TBR1: variants seen among roughly 807,000 people sequenced by gnomAD.
The protein encoded by TBR1 is T-box brain protein 1.
A neutral mutation model predicts 60.3 loss-of-function variants in TBR1; 7 were observed. That is an observed-to-expected ratio of 0.12 (90% CI 0.07 to 0.22). TBR1 has a LOEUF of 0.22. Among genes scored for constraint, TBR1 ranks in the 10% least tolerant of loss-of-function variants. TBR1 has a pLI of 1.00. For synonymous variants in TBR1, 417 were observed against 409.9 expected, an observed-to-expected ratio of 1.02 and a Z score of -0.21; for missense variants, 616 against 936.8, an observed-to-expected ratio of 0.66 and a Z score of 4.47.
Position 161,425,022 on chromosome 2 carries a change from C to G in TBR1, c.*795C>G, listed in dbSNP as rs1260026030. The G allele has an allele frequency of 6.6e-6, 1 of 152,296 alleles. No individual in the cohort carries two copies. The highest frequency in any genetic ancestry group is 1.5e-5 in the Non-Finnish European group (1 of 68,058). 9.4% of individuals were successfully genotyped at this position (152,296 alleles called of 1,614,324 possible). A position where few individuals can be genotyped will look rare whatever the true frequency, so the allele number is the denominator to read the frequency against. On this transcript the variant is annotated 3_prime_UTR_variant, in exon 6 of 6. Transcript: ENST00000389554. ...AATAATTACTATGTGCCCTAATGCACACAAATAGCTAAGGAGAATCCACCC... is the reference window on the plus strand; with the variant it reads ...AATAATTACTATGTGCCCTAATGCAGACAAATAGCTAAGGAGAATCCACCC...
Position 161,423,531 on chromosome 2 carries a change from G to C in TBR1, c.1353G>C (p.Ala451=), listed in dbSNP as rs759895872. 4.2e-5 allele frequency: 67 copies of C among 1,578,040 alleles called. No homozygotes were observed. The highest frequency in any genetic ancestry group is 3.8e-4 in the South Asian group (33 of 86,934). Reference sequence around the variant, plus strand: ...CCCGCTTCCACCCGGGCGCGGGCGCGGGCCCCGGGCCGGGTACGGACCGCA... The same window carrying C: ...CCCGCTTCCACCCGGGCGCGGGCGCCGGCCCCGGGCCGGGTACGGACCGCA... ...AKARFHPGAG[A]GPGPGTDRSV... The change falls in exon 6 of 6, where the codon GCG becomes GCC. Residue 451 remains alanine, a synonymous_variant. Coordinates refer to ENST00000389554, the MANE Select transcript of TBR1 (RefSeq NM_006593.4).
Position 161,417,982 on chromosome 2 carries a change from C to G in TBR1, c.847+152C>G. 3.4e-6 allele frequency: 5 copies of G among 1,450,554 alleles called. No individual in the cohort carries two copies. The highest frequency in any genetic ancestry group is 4.5e-6 in the Non-Finnish European group (5 of 1,101,610). The allele number at this position is 1,450,554 out of a possible 1,614,324, so 89.9% of individuals were successfully genotyped here. A position where few individuals can be genotyped will look rare whatever the true frequency, so the allele number is the denominator to read the frequency against. ...GGGGACAGGGGGACAGACTGAGCTGCGAGAAGGGGGAGGATTATGCAAAAG... is the reference window on the plus strand; with the variant it reads ...GGGGACAGGGGGACAGACTGAGCTGGGAGAAGGGGGAGGATTATGCAAAAG... On this transcript the variant is annotated intron_variant, in intron 2 of 5. Transcript: ENST00000389554. The surrounding 1 kb of genome is among the most constrained non-coding windows in gnomAD (Gnocchi z 5.3).
chr2:161,424,239 C>G lies in TBR1; in HGVS notation c.*12C>G. 1 of 1,531,762 alleles carries G rather than the reference C, an allele frequency of 6.5e-7. No individual in the cohort carries two copies. Among genetic ancestry groups the G allele is most frequent in the Non-Finnish European group, 8.8e-7 (1 of 1,132,500 alleles). 94.9% of individuals were successfully genotyped at this position (1,531,762 alleles called of 1,614,324 possible). On this transcript the variant is annotated 3_prime_UTR_variant, in exon 6 of 6. Coordinates refer to ENST00000389554, the MANE Select transcript of TBR1 (RefSeq NM_006593.4). The surrounding 1 kb of genome is among the most constrained non-coding windows in gnomAD (Gnocchi z 4.4). ...ACTCGCACAGCTAGGCCGCCCCTGCCCGCCCGGCCCCGCCGCGGCCCGGAC... is the reference window on the plus strand; with the variant it reads ...ACTCGCACAGCTAGGCCGCCCCTGCGCGCCCGGCCCCGCCGCGGCCCGGAC...
chr2:161,418,112 G>GTGTGTGTA lies in TBR1; in HGVS notation c.848-82_848-81insATGTGTGT, dbSNP rs1308595808. On this transcript the variant is annotated intron_variant, in intron 2 of 5. Transcript: ENST00000389554. ...GGTGTGTGTATGTGTGTGTGTGTGT[G>GTGTGTGTA]TGTGTGTGTGTGTGTGTGTCCTACG... is the stretch of plus-strand genomic sequence containing the variant. 3 of 1,524,122 alleles carry GTGTGTGTA rather than the reference G, an allele frequency of 2.0e-6. No homozygotes were observed. In the East Asian group the frequency reaches 6.9e-5, roughly 35 times the overall value. The allele number at this position is 1,524,122 out of a possible 1,614,324, so 94.4% of individuals were successfully genotyped here.
In TBR1 at chr2:161,423,565, C is replaced by T. The variant is rs1684270633; in HGVS notation, c.1387C>T (p.His463Tyr). 6.4e-7 allele frequency: 1 copy of T among 1,555,566 alleles called. No homozygotes were observed. The highest frequency in any genetic ancestry group is 1.9e-5 in the Admixed American group (1 of 52,802). Residue 463 changes from histidine (H) to tyrosine (Y), a missense_variant, in exon 6 of 6, where the codon CAC (histidine) becomes TAC (tyrosine). His to Tyr is a moderately conservative substitution (Grantham distance 83). Coordinates refer to ENST00000389554, the MANE Select transcript of TBR1 (RefSeq NM_006593.4). ...PGPGTDRSVP[H>Y]TNGLLSPQQA... is the part of the protein sequence containing the mutation. ...GCCGGGTACGGACCGCAGCGTGCCG[C>T]ACACCAACGGGCTGCTGTCGCCGCA... is the stretch of plus-strand genomic sequence containing the variant.
chr2:161,418,720 T>C, intron 3 of TBR1, 172 bp from the exon 4 acceptor site: 1 of 897,590 alleles, frequency 1.1e-6, no homozygotes. Flanking sequence ...CGAAAGCCGG[T>C]CTGCCCCAGC....
At chr2:161,421,780 T>G (rs1401300945) in intron 5 of TBR1, 3 of 152,192 alleles carry the variant, frequency 2.0e-5, no homozygotes, top group African/African-American at 7.2e-5. Context: ...TGGAATTCAA[T>G]TTCAGAAGGG....
chr2:161,418,153 A>G, intron 2 of TBR1, 48 bp from the exon 3 acceptor site: 1 of 1,574,206 alleles, frequency 6.4e-7, no homozygotes, highest in African/African-American at 1.4e-5. Flanking sequence ...AGGAGCTGGG[A>G]CTGGGCAGTG....
At chr2:161,419,956 A>G in intron 4 of TBR1, 1 of 299,908 alleles carries the variant, frequency 3.3e-6, no homozygotes, top group Non-Finnish European at 6.2e-6. Context: ...CAGGAGAGCT[A>G]ATTGAAAGCA....
chr2:161,422,035 T>C (rs1439623959), intron 5 of TBR1: 1 of 151,980 alleles, frequency 6.6e-6, no homozygotes, highest in Non-Finnish European at 1.5e-5. Context: ...CCCTTTTACG[T>C]TGGTTACTTG....
Position 161,423,344 on chromosome 2 carries a change from C to T in TBR1, c.1191-25C>T, listed in dbSNP as rs1457578028. ...GACCTCCGCGCCACCCCTCGGCTCT[C>T]TCTCTCTCTCTCCCTACCCCGCAGG... On this transcript the variant is annotated intron_variant, in intron 5 of 5. Transcript: ENST00000389554. 8 of 1,320,116 alleles carry T rather than the reference C, an allele frequency of 6.1e-6. No homozygotes were observed. In the African/African-American group the frequency reaches 1.4e-4, roughly 23 times the overall value. 81.8% of individuals were successfully genotyped at this position (1,320,116 alleles called of 1,614,324 possible).
Position 161,416,802 on chromosome 2 carries a change from G to A in TBR1, c.392G>A (p.Gly131Glu). 6.2e-7 allele frequency: 1 copy of A among 1,614,140 alleles called. No individual in the cohort carries two copies. The highest frequency in any genetic ancestry group is 8.5e-7 in the Non-Finnish European group (1 of 1,180,044). The change falls in exon 1 of 6, where the codon GGA becomes GAA. Residue 131 changes from glycine (G) to glutamate (E), a missense_variant. Around this residue, in one of 8 missense-constraint regions of TBR1, gnomAD observed 211 missense variants for 268.7 expected, o/e 0.79. Transcript: ENST00000389554. The surrounding 1 kb of genome is among the most constrained non-coding windows in gnomAD (Gnocchi z 6.1). Reference sequence around the variant, plus strand: ...ATGTTCCCGTACCCCGGCCAGCACGGACCGGCGCACCCCGCCTTCTCCATC... The same window carrying A: ...ATGTTCCCGTACCCCGGCCAGCACGAACCGGCGCACCCCGCCTTCTCCATC... The part of the protein sequence containing the change: ...SAMFPYPGQH[G>E]PAHPAFSIGS...
rs761374834 is a variant in TBR1 at position 161,416,472 on chromosome 2, G to A, written c.62G>A (p.Ser21Asn). The A allele has an allele frequency of 6.2e-7, 1 of 1,613,570 alleles. No individual in the cohort carries two copies. Among genetic ancestry groups the A allele is most frequent in the South Asian group, 1.1e-5 (1 of 91,008 alleles). The change falls in exon 1 of 6, where the codon AGC becomes AAC. Residue 21 changes from serine to asparagine, a missense_variant. Around this residue, in one of 8 missense-constraint regions of TBR1, gnomAD observed 211 missense variants for 268.7 expected, o/e 0.79. Coordinates refer to ENST00000389554, the MANE Select transcript of TBR1 (RefSeq NM_006593.4). The surrounding 1 kb of genome is among the most constrained non-coding windows in gnomAD (Gnocchi z 6.1). ...CTCTCCAAGAAATTTCTCAATGTGA[G>A]CAGCAGCTACCCACATTCAGGCGGA... ...IMLSKKFLNVSSSYPHSGGSE... is the reference protein window; with the variant it reads ...IMLSKKFLNVNSSYPHSGGSE...
chr2:161,417,914 G>A lies in TBR1; in HGVS notation c.847+84G>A, dbSNP rs1684157321. On this transcript the variant is annotated intron_variant, in intron 2 of 5. Transcript: ENST00000389554. This position sits in a 1 kb window ranked among gnomAD's most constrained non-coding sequence, Gnocchi z 5.3. ...AAAGCCTTTGTGGACTGGCTCGAGC[G>A]ACTTTTAAAACGATCGGCCAATGAC... 9 of 1,518,098 alleles carry A rather than the reference G, an allele frequency of 5.9e-6. No homozygotes were observed. Among genetic ancestry groups the A allele is most frequent in the African/African-American group, 5.6e-5 (4 of 71,572 alleles). The allele number at this position is 1,518,098 out of a possible 1,614,324, so 94.0% of individuals were successfully genotyped here. A position where few individuals can be genotyped will look rare whatever the true frequency, so the allele number is the denominator to read the frequency against.
intron 2 of TBR1, 160 bp from the exon 3 acceptor site, chr2:161,418,041 G>T: frequency 6.9e-7 from 1 of 1,456,552 alleles, no homozygotes; most frequent in Non-Finnish European, 9.0e-7. Flanking sequence ...TAGGAAGAAA[G>T]AATGGCCTAA....
chr2:161,416,334 T>A lies in TBR1; in HGVS notation c.-77T>A. On this transcript the variant is annotated 5_prime_UTR_variant, in exon 1 of 6. Coordinates refer to ENST00000389554, the MANE Select transcript of TBR1 (RefSeq NM_006593.4). This position sits in a 1 kb window ranked among gnomAD's most constrained non-coding sequence, Gnocchi z 6.1. The stretch of plus-strand genomic sequence containing the variant: ...AAGTGCTTTCTGTCTAGTGAGGGGG[T>A]CTGTGGATTTCTAGTTTATGATAAA... 1.7e-6 allele frequency: 2 copies of A among 1,148,890 alleles called. No homozygotes were observed. The highest frequency in any genetic ancestry group is 2.5e-6 in the Non-Finnish European group (2 of 807,580). The allele number at this position is 1,148,890 out of a possible 1,614,324, so 71.2% of individuals were successfully genotyped here.
chr2:161,420,827 C>T (rs1320342691), intron 5 of TBR1: 1 of 152,266 alleles, frequency 6.6e-6, no homozygotes, highest in Non-Finnish European at 1.5e-5. Flanking sequence ...CAGGCGAGTT[C>T]ATGAGCAGAA....
At chr2:161,421,967 A>ACACACACACACACAC (rs1559061874) in intron 5 of TBR1, 5 of 76,210 alleles carry the variant, frequency 6.6e-5, no homozygotes, top group Non-Finnish European at 1.2e-4. Context: ...CACACACACA[A>ACACACACACACACAC]ACCTGAGATT....
At chr2:161,422,240 G>T (rs1319548214) in intron 5 of TBR1, 1 of 152,234 alleles carries the variant, frequency 6.6e-6, no homozygotes, top group East Asian at 1.9e-4. Context: ...GGAGGCATGT[G>T]TGCATGTGTA....
Sources: gnomAD v4.1 joint callset for allele counts on GRCh38, gnomAD v4.1.1 for gene constraint, gnomAD v4.1.1 regional missense constraint, Gnocchi (gnomAD v3.1) non-coding constraint, MANE v1.5 for transcripts, NCBI Gene and HGNC (gene_info 2026-07-23, HGNC 2026-07-21) for gene names.